The following P4HB variants were observed in gnomAD, a reference collection of about 807,000 sequenced individuals.
P4HB encodes prolyl 4-hydroxylase subunit beta, also known as protein disulfide-isomerase.
A neutral mutation model predicts 52.6 loss-of-function variants in P4HB; 20 were observed. The ratio of observed to expected loss-of-function variants is 0.38; its 90% CI spans 0.27 to 0.55. The LOEUF (loss-of-function observed/expected upper bound fraction) is 0.55, where lower values mean the gene tolerates loss of function less well. Among genes scored for constraint, P4HB ranks in the 20% least tolerant of loss-of-function variants. The pLI, the probability that P4HB is intolerant of heterozygous loss-of-function variation, is 0.74. For synonymous variants in P4HB, 296 were observed against 277.9 expected (o/e 1.07, Z -0.65); for missense variants, 601 against 669.2 (o/e 0.90, Z 1.12).
At chr17:81,845,060 C>T (rs2038711685) in intron 10 of P4HB, 84 bp downstream of exon 10, 2 of 1,168,912 alleles carry the variant, frequency 1.7e-6, no homozygotes, top group Admixed American at 3.9e-5. Context: ...CCATTCCCAT[C>T]ACAAGCCGAG....
At chr17:81,847,490 T>C in intron 4 of P4HB, 143 bp from the exon 5 acceptor site, 1 of 705,174 alleles carries the variant, frequency 1.4e-6, no homozygotes, top group Non-Finnish European at 2.6e-6. Context: ...CAGCAATGGG[T>C]ACAGGACATG....
rs531626630 is a variant in P4HB, at chr17:81,856,334, CTT to C, written c.353-750_353-749del. 1.0e-3 allele frequency among the ~76,000 whole-genome samples: 136 copies of C among 130,848 alleles called. 2 individuals carry two copies. The highest frequency in any genetic ancestry group is 2.7e-3 in the African/African-American group (93 of 34,492). 85.8% of individuals were successfully genotyped at this position (130,848 alleles called of 152,430 possible). A position where few individuals can be genotyped will look rare whatever the true frequency, so the allele number is the denominator to read the frequency against. On this transcript the variant is annotated intron_variant, in intron 2 of 10. Coordinates refer to ENST00000331483, the MANE Select transcript of P4HB (RefSeq NM_000918.4). ...GGCATGTGCCACCACACCCAACTAA[CTT>C]TTTTTTTTTTTTTTTTTTGAGGCGG... is the stretch of plus-strand genomic sequence containing the variant.
chr17:81,847,419 G>T (rs1255571454), intron 4 of P4HB, 72 bp from the exon 5 acceptor site: 5 of 1,321,252 alleles, frequency 3.8e-6, no homozygotes, highest in Non-Finnish European at 5.5e-6. Context: ...GGTCTCCCTG[G>T]ACGTGGGAAG....
intron 2 of P4HB, among the ~76,000 whole-genome samples, chr17:81,857,051 G>A (rs1008350907): frequency 6.6e-6 from 1 of 152,184 alleles, no homozygotes; most frequent in Non-Finnish European, 1.5e-5. Flanking sequence ...CCAAAGTGCT[G>A]GGATTACCGG....
Position 81,855,805 on chromosome 17 carries a change from G to C in P4HB, c.353-219C>G, listed in dbSNP as rs780275610. 10 of 511,160 alleles carry C rather than the reference G, an allele frequency of 2.0e-5. No homozygotes were observed. The highest frequency in any genetic ancestry group is 3.4e-5 in the Non-Finnish European group (10 of 290,688). 31.7% of individuals were successfully genotyped at this position (511,160 alleles called of 1,614,324 possible). ...GTTGTGTTTATGGGGAGTGGAGAGG[G>C]AAGAGGGTGATTCTGTCTCTGAATA... On this transcript the variant is annotated intron_variant, in intron 2 of 10. Transcript: ENST00000331483. This position sits in a 1 kb window ranked among gnomAD's most constrained non-coding sequence, Gnocchi z 4.3.
At position 81,860,355 on chromosome 17, in the gene P4HB, C is replaced by T; in HGVS notation, c.117G>A (p.Ala39=). ...LRKSNFAEAL[A]AHKYLLVEFY... Reference sequence around the variant, plus strand: ...ACTCCACCAGCAGGTACTTGTGGGCCGCCAGCGCCTCCGCGAAGTTGCTTT... The same window carrying T: ...ACTCCACCAGCAGGTACTTGTGGGCTGCCAGCGCCTCCGCGAAGTTGCTTT... The change falls in exon 1 of 11, where the codon GCG becomes GCA. Residue 39 remains alanine (A), a synonymous_variant. Coordinates refer to ENST00000331483, the MANE Select transcript of P4HB (RefSeq NM_000918.4). 49 of 1,472,484 alleles carry T rather than the reference C, an allele frequency of 3.3e-5. No homozygotes were observed. Among genetic ancestry groups the T allele is most frequent in the Non-Finnish European group, 4.2e-5 (47 of 1,111,028 alleles). 91.2% of individuals were successfully genotyped at this position (1,472,484 alleles called of 1,614,324 possible).
At chr17:81,857,336 C>T (rs1011647706) in intron 2 of P4HB, among the ~76,000 whole-genome samples, 10 of 151,730 alleles carry the variant, frequency 6.6e-5, no homozygotes, top group East Asian at 2.0e-4. Context: ...TTAGTAGAGA[C>T]GGGGGTTTCA....
chr17:81,847,444 A>G, intron 4 of P4HB, 97 bp from the exon 5 acceptor site: 1 of 987,982 alleles, frequency 1.0e-6, no homozygotes, highest in Non-Finnish European at 1.6e-6. Context: ...AGCAGCCAGC[A>G]GCCCTGCCCT....
intron 4 of P4HB, among the ~76,000 whole-genome samples, chr17:81,848,785 C>T (rs1371378508): frequency 6.8e-6 from 1 of 147,596 alleles, no homozygotes; most frequent in Admixed American, 6.9e-5. Context: ...TGGCTCACAC[C>T]TGTAATCCTA....
intron 1 of P4HB, 166 bp downstream of exon 1, chr17:81,860,161 C>T: frequency 1.9e-6 from 1 of 529,274 alleles, no homozygotes; most frequent in Non-Finnish European, 3.0e-6. Flanking sequence ...CCGGCTCTCA[C>T]CCCCAGGGAG....
intron 4 of P4HB, among the ~76,000 whole-genome samples, chr17:81,850,004 T>C (rs1396676608): frequency 2.0e-5 from 3 of 151,332 alleles, no homozygotes; most frequent in Non-Finnish European, 4.4e-5. Flanking sequence ...ATTTTTGTAT[T>C]TTTAGTAGAG....
rs2038903204 is a variant in P4HB at position 81,855,680 on chromosome 17, T to C, written c.353-94A>G. On this transcript the variant is annotated intron_variant, in intron 2 of 10. Transcript: ENST00000331483. The surrounding 1 kb of genome is among the most constrained non-coding windows in gnomAD (Gnocchi z 4.3). ...CGTCTCTGCTCTCTGCCAGCCAGGC[T>C]GAGGACACCTGAATCAACCTAAGTA... 2.1e-6 allele frequency: 3 copies of C among 1,406,600 alleles called. No homozygotes were observed. Among genetic ancestry groups the C allele is most frequent in the Admixed American group, 2.1e-5 (1 of 47,652 alleles). 87.1% of individuals were successfully genotyped at this position (1,406,600 alleles called of 1,614,324 possible). A position where few individuals can be genotyped will look rare whatever the true frequency, so the allele number is the denominator to read the frequency against.
At chr17:81,858,584 C>T (rs920163829) in intron 2 of P4HB, among the ~76,000 whole-genome samples, 1 of 152,182 alleles carries the variant, frequency 6.6e-6, no homozygotes, top group Non-Finnish European at 1.5e-5. Flanking sequence ...GGCTCGGCCT[C>T]CACTACGGCA....
At position 81,843,527 on chromosome 17, in the gene P4HB, C is replaced by T. The variant is rs1056141193; in HGVS notation, c.*485G>A. 4 of 409,324 alleles carry T rather than the reference C, an allele frequency of 9.8e-6. No individual in the cohort carries two copies. Among genetic ancestry groups the T allele is most frequent in the African/African-American group, 2.1e-5 (1 of 48,774 alleles). 25.4% of individuals were successfully genotyped at this position (409,324 alleles called of 1,614,324 possible). A position where few individuals can be genotyped will look rare whatever the true frequency, so the allele number is the denominator to read the frequency against. On this transcript the variant is annotated 3_prime_UTR_variant, in exon 11 of 11. Transcript: ENST00000331483. The stretch of plus-strand genomic sequence containing the variant: ...GCCATGATCAGTCATGGCGACACTG[C>T]AGGCGGTACTGAGTGACCATGTCCA...
chr17:81,852,348 C>G (rs1358901280), intron 4 of P4HB, among the ~76,000 whole-genome samples: 1 of 152,212 alleles, frequency 6.6e-6, no homozygotes, highest in Non-Finnish European at 1.5e-5. Flanking sequence ...GCGGGCCACA[C>G]AAGAGCACCC....
At chr17:81,858,591 G>A (rs1188038431) in intron 2 of P4HB, among the ~76,000 whole-genome samples, 8 of 152,162 alleles carry the variant, frequency 5.3e-5, no homozygotes, top group Admixed American at 2.0e-4. Flanking sequence ...CCTCCACTAC[G>A]GCAGCTTCAG....
intron 10 of P4HB, 31 bp downstream of exon 10, chr17:81,845,113 G>A (rs745961057): frequency 1.1e-5 from 17 of 1,549,930 alleles, no homozygotes; most frequent in Non-Finnish European, 1.5e-5. Context: ...CTGAATCCCA[G>A]AGACCAGCCC....
At chr17:81,853,530 C>T (rs1206169182) in intron 4 of P4HB, among the ~76,000 whole-genome samples, 1 of 151,564 alleles carries the variant, frequency 6.6e-6, no homozygotes, top group African/African-American at 2.4e-5. Context: ...GCTGAGATCG[C>T]GCCACTGCAC....
In P4HB at chr17:81,859,518, T is replaced by A. The variant is rs1001123372; in HGVS notation, c.146-131A>T. Reference sequence around the variant, plus strand: ...CTTATCTACTCACCAAGATAACCCCTCCTAACGCACAAGGCTGAGCTGATA... The same window carrying A: ...CTTATCTACTCACCAAGATAACCCCACCTAACGCACAAGGCTGAGCTGATA... On this transcript the variant is annotated intron_variant, in intron 1 of 10. Transcript: ENST00000331483. The A allele has an allele frequency of 4.3e-5, 33 of 763,388 alleles. No individual in the cohort carries two copies. The East Asian group carries it at 8.1e-4, about 19-fold the overall frequency. The allele number at this position is 763,388 out of a possible 1,614,324, so 47.3% of individuals were successfully genotyped here.
Sources: gnomAD v4.1 joint callset for allele counts (sites outside exome capture counted in the v4.1 genomes callset) on GRCh38, gnomAD v4.1.1 for gene constraint, Gnocchi (gnomAD v3.1) non-coding constraint, MANE v1.5 for transcripts, NCBI Gene and HGNC (gene_info 2026-07-23, HGNC 2026-07-21) for gene names.